The following VPS53 variants were observed in gnomAD, a reference collection of about 807,000 sequenced individuals.
VPS53 encodes VPS53 subunit of GARP complex, also known as vacuolar protein sorting-associated protein 53 homolog.
In VPS53, 70 loss-of-function variants were observed where a neutral mutation model predicts 107.0. The observed-to-expected ratio is 0.65, with a 90% confidence interval of 0.54 to 0.80. The LOEUF (loss-of-function observed/expected upper bound fraction) is 0.80, where lower values mean the gene tolerates loss of function less well. Ranked by LOEUF, VPS53 falls within the 30% of genes least tolerant of loss-of-function variation. VPS53 has a pLI of 0.00. For missense variants in VPS53, 917 were observed against 1,049.4 expected (o/e 0.87, Z 1.74); for synonymous variants, 409 against 393.3 (o/e 1.04, Z -0.47).
intron 2 of VPS53, among the ~76,000 whole-genome samples, chr17:701,667 C>T (rs965473956): frequency 4.6e-5 from 7 of 152,066 alleles, no homozygotes; most frequent in African/African-American, 1.2e-4. Context: ...TGAGCCACCG[C>T]GCCTGGCCAA....
At chr17:527,935 A>G (rs1567599409) in intron 19 of VPS53, among the ~76,000 whole-genome samples, 2 of 152,148 alleles carry the variant, frequency 1.3e-5, no homozygotes, top group African/African-American at 4.8e-5. Context: ...TACTCAAAAT[A>G]ACCAATCTTT....
Position 598,520 on chromosome 17 carries a change from A to G in VPS53, c.1218+3275T>C, listed in dbSNP as rs1054441871. On this transcript the variant is annotated intron_variant, in intron 12 of 21. Transcript: ENST00000437048. ...CCATCCCACCTAGGAAGTGAGGAGCACCTCTTCCCGGCCGCCATCACATCT... is the reference window on the plus strand; with the variant it reads ...CCATCCCACCTAGGAAGTGAGGAGCGCCTCTTCCCGGCCGCCATCACATCT... 2.5e-4 allele frequency among the ~76,000 whole-genome samples: 36 copies of G among 146,346 alleles called. No individual in the cohort carries two copies. In the East Asian group the frequency reaches 3.8e-3, roughly 15 times the overall value.
Position 511,636 on chromosome 17 carries a change from T to A in VPS53, c.*7492A>T, listed in dbSNP as rs951135484. Reference sequence around the variant, plus strand: ...TGGCCTTGGGAAAAGTCTAAACATCTTTGAAACACAATTGGAAAGTAATCC... The same window carrying A: ...TGGCCTTGGGAAAAGTCTAAACATCATTGAAACACAATTGGAAAGTAATCC... On this transcript the variant is annotated 3_prime_UTR_variant, in exon 22 of 22. Transcript: ENST00000437048. 1.3e-5 allele frequency: 2 copies of A among 152,156 alleles called. No individual in the cohort carries two copies. Among genetic ancestry groups the A allele is most frequent in the Non-Finnish European group, 2.9e-5 (2 of 68,038 alleles). 9.4% of individuals were successfully genotyped at this position (152,156 alleles called of 1,614,324 possible).
chr17:598,650 G>A (rs1366119649), intron 12 of VPS53, among the ~76,000 whole-genome samples: 3 of 143,438 alleles, frequency 2.1e-5, no homozygotes, highest in East Asian at 4.7e-4. Context: ...CTGCCCGGCC[G>A]CGACCCGGTC....
chr17:640,171 G>A (rs924174955), intron 7 of VPS53, among the ~76,000 whole-genome samples: 11 of 152,310 alleles, frequency 7.2e-5, no homozygotes, highest in African/African-American at 1.7e-4. Flanking sequence ...CAATGAGCGA[G>A]TCTCCGTGGG....
At chr17:697,507 CA>C in intron 3 of VPS53, 23 bp from the exon 4 acceptor site, 1 of 1,579,896 alleles carries the variant, frequency 6.3e-7, no homozygotes, top group Non-Finnish European at 8.7e-7. Flanking sequence ...TTCAAGGATA[CA>C]GTCATTCAAA....
intron 16 of VPS53, chr17:552,769 C>A: frequency 4.3e-6 from 1 of 233,388 alleles, no homozygotes. Flanking sequence ...CAATGGCAGC[C>A]CAGTTCTGAA....
At chr17:553,954 T>C (rs1299347204) in intron 15 of VPS53, among the ~76,000 whole-genome samples, 2 of 152,172 alleles carry the variant, frequency 1.3e-5, no homozygotes, top group Non-Finnish European at 2.9e-5. Context: ...CTACCCAAGA[T>C]AGAAGTGGTA....
intron 11 of VPS53, among the ~76,000 whole-genome samples, chr17:609,038 C>G (rs1224483615): frequency 1.3e-5 from 2 of 152,028 alleles, no homozygotes; most frequent in African/African-American, 4.8e-5. Context: ...TCACATAAAA[C>G]TCAACATTTT....
chr17:607,220 G>A (rs1210497455), intron 11 of VPS53, among the ~76,000 whole-genome samples: 1 of 152,124 alleles, frequency 6.6e-6, no homozygotes, highest in Non-Finnish European at 1.5e-5. Context: ...CTTGTCAAAA[G>A]AATTTCTATT....
intron 2 of VPS53, among the ~76,000 whole-genome samples, chr17:709,461 G>A (rs990075413): frequency 4.6e-5 from 7 of 152,136 alleles, no homozygotes; most frequent in Non-Finnish European, 7.3e-5. Context: ...CCTCAAGCTC[G>A]GCAGACAGGC....
chr17:674,044 G>T (rs1435427746), intron 4 of VPS53: 1 of 152,240 alleles, frequency 6.6e-6, no homozygotes, highest in Non-Finnish European at 1.5e-5. Flanking sequence ...TGAAATAGCT[G>T]CGAGTGACGG....
intron 7 of VPS53, among the ~76,000 whole-genome samples, chr17:635,689 C>T (rs566395002): frequency 1.3e-4 from 20 of 152,202 alleles, no homozygotes; most frequent in African/African-American, 4.8e-4. Flanking sequence ...TCAGGTTTGT[C>T]AAAGATCAGA....
At chr17:632,870 T>C (rs561638627) in intron 7 of VPS53, 24 of 424,598 alleles carry the variant, frequency 5.7e-5, no homozygotes, top group African/African-American at 3.1e-4. Context: ...ACAAGCTCGT[T>C]AAGTTTTTAA....
At chr17:700,362 G>A (rs1047274348) in intron 2 of VPS53, among the ~76,000 whole-genome samples, 3 of 151,780 alleles carry the variant, frequency 2.0e-5, no homozygotes, top group African/African-American at 4.8e-5. Context: ...GACCGTCATG[G>A]CGAAACCCCA....
chr17:541,271 G>A (rs935132721), intron 17 of VPS53, among the ~76,000 whole-genome samples: 1 of 152,208 alleles, frequency 6.6e-6, no homozygotes, highest in East Asian at 1.9e-4. Context: ...AAGTGCAGCA[G>A]GGCACTGAGC....
At position 560,543 on chromosome 17, in the gene VPS53, G is replaced by T; in HGVS notation, c.1587C>A (p.Ile529=). 6.2e-7 allele frequency: 1 copy of T among 1,614,126 alleles called. No individual in the cohort carries two copies. The highest frequency in any genetic ancestry group is 8.5e-7 in the Non-Finnish European group (1 of 1,179,998). ...KTTTSSGGLT[I]SSLLKEKEGS... is the part of the protein sequence containing the mutation. ...CCTCCTTTTCCTTGAGGAGGCTGCT[G>T]ATAGTCAGTCCTCCACTGCTGGTTG... The change falls in exon 15 of 22, where the codon ATC becomes ATA. Residue 529 remains isoleucine (I), a synonymous_variant. Coordinates refer to ENST00000437048, the MANE Select transcript of VPS53 (RefSeq NM_001128159.3).
intron 18 of VPS53, among the ~76,000 whole-genome samples, chr17:535,985 C>G (rs1910028863): frequency 6.6e-6 from 1 of 152,138 alleles, no homozygotes; most frequent in Admixed American, 6.5e-5. Context: ...TTGGCCTGGG[C>G]TGACCCTCCT....
intron 4 of VPS53, chr17:675,055 T>C (rs779202912): frequency 1.1e-4 from 16 of 152,244 alleles, no homozygotes; most frequent in African/African-American, 2.2e-4. Context: ...CAAAATGTTA[T>C]GTTCTGCAAA....
Sources: gnomAD v4.1 joint callset for allele counts (sites outside exome capture counted in the v4.1 genomes callset) on GRCh38, gnomAD v4.1.1 for gene constraint, MANE v1.5 for transcripts, NCBI Gene and HGNC (gene_info 2026-07-23, HGNC 2026-07-21) for gene names.